Variants in GRIA4 observed in about 807,000 individuals in gnomAD.
GRIA4 encodes the protein glutamate receptor 4.
Under a neutral mutation model 104.0 loss-of-function variants are expected in GRIA4, and 34 were observed. That is an observed-to-expected ratio of 0.33 (90% confidence interval 0.25 to 0.44). The LOEUF (loss-of-function observed/expected upper bound fraction) is 0.44. Among genes scored for constraint, GRIA4 ranks in the 20% least tolerant of loss-of-function variants. The pLI is 1.00. For synonymous variants in GRIA4, 386 were observed against 381.9 expected (o/e 1.01, Z -0.13); for missense variants, 750 against 1,096.5 (o/e 0.68, Z 4.46).
At chr11:105,903,157 C>T (rs971315513) in intron 7 of GRIA4, among the ~76,000 whole-genome samples, 3 of 152,132 alleles carry the variant, frequency 2.0e-5, no homozygotes, top group African/African-American at 7.2e-5. Flanking sequence ...CCTAGGTTAA[C>T]GAAATGACTT....
At chr11:105,702,182 C>T (rs1183643635) in intron 3 of GRIA4, among the ~76,000 whole-genome samples, 1 of 152,182 alleles carries the variant, frequency 6.6e-6, no homozygotes, top group Non-Finnish European at 1.5e-5. Flanking sequence ...GGTCCTCCCA[C>T]TTCAGCCTGG....
At chr11:105,768,949 T>C (rs2135736987) in intron 4 of GRIA4, among the ~76,000 whole-genome samples, 1 of 152,166 alleles carries the variant, frequency 6.6e-6, no homozygotes, top group South Asian at 2.1e-4. Context: ...AGACTTAATA[T>C]AGCCTTTCAA....
chr11:105,802,392 G>A (rs1942759082), intron 4 of GRIA4, among the ~76,000 whole-genome samples: 1 of 152,048 alleles, frequency 6.6e-6, no homozygotes, highest in African/African-American at 2.4e-5. Flanking sequence ...ATATGAAGAT[G>A]AGTAGTTATA....
At chr11:105,726,339 T>C (rs1395703866) in intron 3 of GRIA4, among the ~76,000 whole-genome samples, 1 of 152,148 alleles carries the variant, frequency 6.6e-6, no homozygotes, top group East Asian at 1.9e-4. Flanking sequence ...AGTGCGTCTC[T>C]AGATTCCTCC....
At chr11:105,646,800 A>C (rs1338342186) in intron 3 of GRIA4, among the ~76,000 whole-genome samples, 1 of 152,240 alleles carries the variant, frequency 6.6e-6, no homozygotes, top group Non-Finnish European at 1.5e-5. Flanking sequence ...CTCAAGACAG[A>C]TTAGAGACTT....
At chr11:105,810,674 C>T (rs965691502) in intron 4 of GRIA4, among the ~76,000 whole-genome samples, 1 of 152,106 alleles carries the variant, frequency 6.6e-6, no homozygotes, top group Non-Finnish European at 1.5e-5. Flanking sequence ...CTGACCCCGA[C>T]CTTCCTCCTG....
intron 4 of GRIA4, among the ~76,000 whole-genome samples, chr11:105,822,374 A>C (rs1053346541): frequency 2.6e-5 from 4 of 151,954 alleles, no homozygotes; most frequent in African/African-American, 4.8e-5. Context: ...AGGGGGGAAA[A>C]ATGAGAGGAA....
At chr11:105,765,407 T>A (rs915282447) in intron 4 of GRIA4, among the ~76,000 whole-genome samples, 9 of 152,214 alleles carry the variant, frequency 5.9e-5, no homozygotes, top group Middle Eastern at 3.2e-3. Flanking sequence ...GTAAGAGTCA[T>A]CTACATTAGA....
At chr11:105,758,908 T>G (rs564999347) in intron 4 of GRIA4, among the ~76,000 whole-genome samples, 13 of 152,276 alleles carry the variant, frequency 8.5e-5, no homozygotes, top group African/African-American at 2.9e-4. Context: ...AAATAGAAAT[T>G]TTCAGTTCTA....
Position 105,671,565 on chromosome 11 carries a change from C to G in GRIA4, c.247+59131C>G, listed in dbSNP as rs762810017. Among the ~76,000 whole-genome samples the G allele has an allele frequency of 1.7e-4, 25 of 147,540 alleles. 1 individual carries two copies. Among genetic ancestry groups the G allele is most frequent in the Non-Finnish European group, 3.6e-4 (24 of 67,312 alleles). On this transcript the variant is annotated intron_variant, in intron 3 of 16. Transcript: ENST00000282499. ...TGGTGGTAGGCACCTGTAATCCCAGCTACTTGGGAGGCTGAGGCAGGAGAA... is the reference window on the plus strand; with the variant it reads ...TGGTGGTAGGCACCTGTAATCCCAGGTACTTGGGAGGCTGAGGCAGGAGAA...
intron 4 of GRIA4, among the ~76,000 whole-genome samples, chr11:105,774,027 A>G (rs1941344091): frequency 6.6e-6 from 1 of 151,778 alleles, no homozygotes; most frequent in Admixed American, 6.6e-5. Flanking sequence ...ATTTTTTTGT[A>G]TATGTTTTAT....
intron 13 of GRIA4, among the ~76,000 whole-genome samples, chr11:105,927,697 A>AT (rs986230181): frequency 1.3e-5 from 2 of 151,712 alleles, no homozygotes; most frequent in African/African-American, 4.8e-5. Context: ...ATGGGGATGA[A>AT]TTTTTTTTAT....
chr11:105,730,117 A>C (rs1356909576), intron 3 of GRIA4, among the ~76,000 whole-genome samples: 6 of 152,224 alleles, frequency 3.9e-5, no homozygotes. Flanking sequence ...ACATGATTGT[A>C]TATTTAGAAA....
At chr11:105,895,031 C>G (rs1446402369) in intron 6 of GRIA4, among the ~76,000 whole-genome samples, 1 of 102,950 alleles carries the variant, frequency 9.7e-6, no homozygotes, top group Non-Finnish European at 2.1e-5. Flanking sequence ...GATCTCCTGA[C>G]CTCATGATCC....
intron 3 of GRIA4, among the ~76,000 whole-genome samples, chr11:105,666,404 C>A (rs1185609590): frequency 1.3e-5 from 2 of 151,766 alleles, no homozygotes; most frequent in African/African-American, 4.8e-5. Flanking sequence ...TACATTTTAT[C>A]AAAGATGCTA....
intron 3 of GRIA4, among the ~76,000 whole-genome samples, chr11:105,637,613 AT>A (rs1951241882): frequency 6.6e-6 from 1 of 152,206 alleles, no homozygotes; most frequent in African/African-American, 2.4e-5. Context: ...GATAGTTAAC[AT>A]GTAGACTAGA....
intron 5 of GRIA4, among the ~76,000 whole-genome samples, chr11:105,882,651 G>A (rs773580872): frequency 5.5e-4 from 83 of 152,000 alleles, no homozygotes; most frequent in East Asian, 1.9e-4. Flanking sequence ...AACCCACTGC[G>A]TTCCCCTTAT....
intron 10 of GRIA4, chr11:105,912,544 ATT>A (rs1379588704): frequency 4.0e-6 from 1 of 250,900 alleles, no homozygotes; most frequent in Non-Finnish European, 6.2e-6. Context: ...ATATATATAT[ATT>A]TATATATATA....
chr11:105,630,750 T>C (rs1951016029), intron 3 of GRIA4, among the ~76,000 whole-genome samples: 1 of 152,028 alleles, frequency 6.6e-6, no homozygotes, highest in Admixed American at 6.6e-5. Flanking sequence ...TGGAAAACAG[T>C]TTTTTATGGA....
Sources: allele counts gnomAD v4.1 joint callset (sites outside exome capture counted in the v4.1 genomes callset), GRCh38; gene constraint gnomAD v4.1.1; transcripts MANE v1.5; gene names NCBI Gene and HGNC (gene_info 2026-07-23, HGNC 2026-07-21).